PHF14: variants seen among roughly 807,000 people sequenced by gnomAD.
The protein encoded by PHF14 is PHD finger protein 14.
PHF14 carries 55 observed loss-of-function variants against 117.9 expected under a neutral mutation model. That is an observed-to-expected ratio of 0.47 (90% CI 0.38 to 0.58). The LOEUF (loss-of-function observed/expected upper bound fraction) is 0.58. Among genes scored for constraint, PHF14 ranks in the 20% least tolerant of loss-of-function variants. The pLI, the probability that PHF14 is intolerant of heterozygous loss-of-function variation, is 0.00. For missense variants in PHF14, 978 were observed against 1,122.2 expected, an observed-to-expected ratio of 0.87 and a Z score of 1.84; for synonymous variants, 409 against 368.6, an observed-to-expected ratio of 1.11 and a Z score of -1.26.
At chr7:11,018,247 G>C (rs746493873) in intron 5 of PHF14, among the ~76,000 whole-genome samples, 1 of 151,954 alleles carries the variant, frequency 6.6e-6, no homozygotes, top group Non-Finnish European at 1.5e-5. Flanking sequence ...TTGTGGTTCC[G>C]TATACATTTT....
chr7:11,092,824 A>C (rs567091371), intron 16 of PHF14, among the ~76,000 whole-genome samples: 8 of 152,316 alleles, frequency 5.3e-5, no homozygotes, highest in African/African-American at 1.9e-4. Flanking sequence ...AAATGGTATT[A>C]TAAAATGTTG....
At chr7:11,128,405 C>G (rs1469062244) in intron 17 of PHF14, among the ~76,000 whole-genome samples, 2 of 151,908 alleles carry the variant, frequency 1.3e-5, no homozygotes, top group African/African-American at 4.8e-5. Flanking sequence ...ATTCTATTTC[C>G]TGTCTCAGAA....
At chr7:11,000,123 T>C (rs1782808696) in intron 4 of PHF14, among the ~76,000 whole-genome samples, 1 of 152,152 alleles carries the variant, frequency 6.6e-6, no homozygotes, top group African/African-American at 2.4e-5. Context: ...GTGAACTTTA[T>C]ATATGTTCCA....
At chr7:11,126,704 A>G (rs1402280214) in intron 17 of PHF14, among the ~76,000 whole-genome samples, 2 of 151,744 alleles carry the variant, frequency 1.3e-5, no homozygotes, top group Non-Finnish European at 2.9e-5. Context: ...AGCTTCCCTA[A>G]GATAGCAATG....
At chr7:11,003,364 A>G (rs949636576) in intron 4 of PHF14, among the ~76,000 whole-genome samples, 2 of 152,104 alleles carry the variant, frequency 1.3e-5, no homozygotes, top group Non-Finnish European at 2.9e-5. Context: ...TTTTCCTTTT[A>G]CCCAGATTCC....
At chr7:11,074,193 C>T (rs912008777) in intron 16 of PHF14, among the ~76,000 whole-genome samples, 5 of 151,888 alleles carry the variant, frequency 3.3e-5, no homozygotes, top group African/African-American at 9.7e-5. Flanking sequence ...CCTGAAAATG[C>T]CTTTCCTTTT....
rs760454650 is a variant in PHF14, at chr7:10,990,760, C to G, written c.958C>G (p.Leu320Val). ...GAGCTCTCAAAAAATGGACCATATT[C>G]TGATTTGCTGTGTTTGTCTGGGAGA... ...NWSSQKMDHI[L>V]ICCVCLGDNS... Residue 320 changes from leucine (L) to valine (V), a missense_variant, in exon 4 of 18, where the codon CTG becomes GTG. This residue lies in a region of PHF14 where 414 missense variants were observed against 376.4 expected (regional missense o/e 1.10). Transcript: ENST00000634607. 1 of 1,575,344 alleles carries G rather than the reference C, an allele frequency of 6.3e-7. No homozygotes were observed. Among genetic ancestry groups the G allele is most frequent in the Non-Finnish European group, 8.6e-7 (1 of 1,157,120 alleles).
chr7:11,105,078 T>C, intron 16 of PHF14: 2 of 932,384 alleles, frequency 2.1e-6, no homozygotes, highest in South Asian at 9.9e-5. Flanking sequence ...CTATTTTAGA[T>C]ACAGAAAGAA....
intron 16 of PHF14, among the ~76,000 whole-genome samples, chr7:11,091,854 T>G (rs1234261712): frequency 6.6e-6 from 1 of 152,182 alleles, no homozygotes; most frequent in African/African-American, 2.4e-5. Context: ...AGTATTCAAT[T>G]CTAATTTTCC....
At chr7:11,122,837 T>A (rs753711872) in intron 17 of PHF14, among the ~76,000 whole-genome samples, 1 of 152,122 alleles carries the variant, frequency 6.6e-6, no homozygotes, top group Non-Finnish European at 1.5e-5. Flanking sequence ...AGTGTTTTCT[T>A]GGTCACCAAT....
chr7:11,080,011 G>T (rs1288243130), intron 16 of PHF14, among the ~76,000 whole-genome samples: 1 of 152,116 alleles, frequency 6.6e-6, no homozygotes, highest in Non-Finnish European at 1.5e-5. Context: ...AATAGACTCA[G>T]TGGTCTAAAA....
chr7:11,020,155 A>G (rs771058992), intron 5 of PHF14, among the ~76,000 whole-genome samples: 2 of 151,520 alleles, frequency 1.3e-5, no homozygotes, highest in Non-Finnish European at 2.9e-5. Context: ...GTGGCACGAT[A>G]TTGGCTCACT....
intron 17 of PHF14, among the ~76,000 whole-genome samples, chr7:11,113,053 GTTT>G (rs759652104): frequency 1.9e-4 from 29 of 151,894 alleles, no homozygotes; most frequent in Non-Finnish European, 1.6e-4. Flanking sequence ...TCTTTAATAA[GTTT>G]TTTTAAGTGC....
intron 17 of PHF14, among the ~76,000 whole-genome samples, chr7:11,165,570 CA>C (rs371514694): frequency 7.0e-4 from 107 of 152,192 alleles, no homozygotes; most frequent in Middle Eastern, 3.4e-3. Context: ...ACAAGGTAAA[CA>C]AAGTTATCTG....
chr7:11,136,022 A>T (rs1229139662), intron 17 of PHF14, among the ~76,000 whole-genome samples: 3 of 152,208 alleles, frequency 2.0e-5, no homozygotes. Flanking sequence ...GTAGAAAAAA[A>T]TTGGTAAGCT....
intron 13 of PHF14, among the ~76,000 whole-genome samples, chr7:11,049,201 G>T (rs1257704460): frequency 6.6e-6 from 1 of 152,028 alleles, no homozygotes; most frequent in African/African-American, 2.4e-5. Flanking sequence ...AGCCTGGCGC[G>T]GTGGCTCACA....
intron 6 of PHF14, 117 bp from the exon 7 acceptor site, chr7:11,028,564 A>G (rs1784008105): frequency 1.1e-6 from 1 of 897,098 alleles, no homozygotes; most frequent in Non-Finnish European, 1.7e-6. Context: ...TTGGTACATA[A>G]TTGGTTCATT....
At chr7:11,044,274 C>A (rs1048522013) in intron 13 of PHF14, among the ~76,000 whole-genome samples, 1 of 151,610 alleles carries the variant, frequency 6.6e-6, no homozygotes, top group Non-Finnish European at 1.5e-5. Flanking sequence ...TGCAGTATAC[C>A]CATGTAACAA....
chr7:11,003,810 T>A (rs1782968004), intron 4 of PHF14, among the ~76,000 whole-genome samples: 1 of 152,246 alleles, frequency 6.6e-6, no homozygotes, highest in Non-Finnish European at 1.5e-5. Flanking sequence ...TCAACTCTAC[T>A]TCTCTTTGCA....
Sources: allele counts gnomAD v4.1 joint callset (sites outside exome capture counted in the v4.1 genomes callset), GRCh38; gene constraint gnomAD v4.1.1; regional missense constraint gnomAD v4.1.1; transcripts MANE v1.5; gene names NCBI Gene and HGNC (gene_info 2026-07-23, HGNC 2026-07-21).